The following SCAF8 variants were observed in gnomAD, a reference collection of about 807,000 sequenced individuals.
SCAF8 encodes the protein SR-related CTD associated factor 8.
A neutral mutation model predicts 140.5 loss-of-function variants in SCAF8; 23 were observed. That is an observed-to-expected ratio of 0.16 (90% CI 0.12 to 0.23). The LOEUF is 0.23. Ranked by LOEUF, SCAF8 falls within the 10% of genes least tolerant of loss-of-function variation. The pLI, the probability that SCAF8 is intolerant of heterozygous loss-of-function variation, is 1.00. For missense variants in SCAF8, 1,397 were observed against 1,555.7 expected (o/e 0.90, Z 1.72); for synonymous variants, 575 against 528.9 (o/e 1.09, Z -1.20).
In SCAF8 at chr6:154,786,141, A is replaced by G. The variant is rs199796668; in HGVS notation, c.160-1720A>G. On this transcript the variant is annotated intron_variant, in intron 3 of 19. Coordinates refer to ENST00000367178, the MANE Select transcript of SCAF8 (RefSeq NM_014892.5). The stretch of plus-strand genomic sequence containing the variant: ...ATTACTCAAATCAGTCTCCAAGAGC[A>G]TTCGGGGTTGGATCAGAGTTTTTAA... Among the ~76,000 whole-genome samples the G allele has an allele frequency of 3.3e-5, 5 of 152,174 alleles. No homozygotes were observed. In the East Asian group the frequency reaches 5.8e-4, roughly 18 times the overall value.
chr6:154,832,072 A>C lies in SCAF8; in HGVS notation c.2493A>C (p.Pro831=). 6.2e-7 allele frequency: 1 copy of C among 1,614,156 alleles called. No homozygotes were observed. Among genetic ancestry groups the C allele is most frequent in the Middle Eastern group, 1.6e-4 (1 of 6,062 alleles). The change falls in exon 20 of 20, where the codon CCA becomes CCC. Residue 831 remains proline (P), a synonymous_variant. Transcript: ENST00000367178. The part of the protein sequence containing the change: ...SSNSEILGVR[P]SNVSSSSGII... ...ATTCTGAAATTCTTGGGGTCCGGCCATCTAATGTTTCCAGTAGTTCTGGGA... is the reference window on the plus strand; with the variant it reads ...ATTCTGAAATTCTTGGGGTCCGGCCCTCTAATGTTTCCAGTAGTTCTGGGA...
chr6:154,793,184 C>T (rs1777473656), intron 5 of SCAF8, among the ~76,000 whole-genome samples: 1 of 151,788 alleles, frequency 6.6e-6, no homozygotes, highest in East Asian at 1.9e-4. Flanking sequence ...TCATTTAATC[C>T]ACAGAAACAT....
intron 1 of SCAF8, among the ~76,000 whole-genome samples, chr6:154,770,492 G>C (rs958004479): frequency 5.1e-4 from 77 of 151,886 alleles, no homozygotes; most frequent in African/African-American, 1.8e-3. Flanking sequence ...GACCCGTTGA[G>C]CCTGGGAGGT....
chr6:154,820,783 C>CT, intron 15 of SCAF8, among the ~76,000 whole-genome samples: 1 of 151,746 alleles, frequency 6.6e-6, no homozygotes, highest in Non-Finnish European at 1.5e-5. Context: ...TCTGGGATGC[C>CT]TTTTACAATA....
At chr6:154,747,581 C>G (rs2114801860) in intron 1 of SCAF8, among the ~76,000 whole-genome samples, 1 of 152,154 alleles carries the variant, frequency 6.6e-6, no homozygotes, top group East Asian at 1.9e-4. Flanking sequence ...CAAAACAGGC[C>G]AAAGGCTATG....
intron 1 of SCAF8, among the ~76,000 whole-genome samples, chr6:154,765,574 A>G (rs531839144): frequency 1.6e-4 from 24 of 152,226 alleles, no homozygotes; most frequent in Non-Finnish European, 3.2e-4. Flanking sequence ...GATTAGTAGA[A>G]TAAACATATC....
chr6:154,748,048 TAAGCA>T (rs1778748443), intron 1 of SCAF8, among the ~76,000 whole-genome samples: 1 of 152,168 alleles, frequency 6.6e-6, no homozygotes, highest in Non-Finnish European at 1.5e-5. Flanking sequence ...TTTAAAAAAT[TAAGCA>T]AAGGGGACAA....
intron 3 of SCAF8, among the ~76,000 whole-genome samples, chr6:154,780,550 G>A (rs1166068660): frequency 1.3e-5 from 2 of 150,934 alleles, no homozygotes; most frequent in African/African-American, 4.9e-5. Flanking sequence ...TGGCCCTGAT[G>A]TGTTTTGTTC....
At chr6:154,784,304 C>G (rs1777187292) in intron 3 of SCAF8, among the ~76,000 whole-genome samples, 1 of 151,634 alleles carries the variant, frequency 6.6e-6, no homozygotes, top group African/African-American at 2.4e-5. Flanking sequence ...CAGATTCTCA[C>G]TTTTCATATG....
intron 6 of SCAF8, among the ~76,000 whole-genome samples, chr6:154,796,961 G>A (rs568339904): frequency 6.1e-4 from 91 of 149,540 alleles, no homozygotes; most frequent in Admixed American, 1.1e-3. Flanking sequence ...GACAGAGTGA[G>A]ACTCAAAAAC....
chr6:154,778,120 C>T lies in SCAF8; in HGVS notation c.159+75C>T, dbSNP rs1776969041. 3.8e-6 allele frequency: 3 copies of T among 785,824 alleles called. No homozygotes were observed. The East Asian group carries it at 8.0e-5, about 21-fold the overall frequency. 48.7% of individuals were successfully genotyped at this position (785,824 alleles called of 1,614,324 possible). A position where few individuals can be genotyped will look rare whatever the true frequency, so the allele number is the denominator to read the frequency against. ...GTACTCTTCTCCTTTAGATCAAATA[C>T]CCAAGTTTAAATTGTTTTGATGGAC... On this transcript the variant is annotated intron_variant, in intron 3 of 19. Transcript: ENST00000367178.
chr6:154,792,802 C>T (rs1384463934), intron 4 of SCAF8, 21 bp from the exon 5 acceptor site: 42 of 1,551,612 alleles, frequency 2.7e-5, no homozygotes, highest in Non-Finnish European at 3.6e-5. Flanking sequence ...ACCAAAATGT[C>T]ATGTTTCTTT....
intron 12 of SCAF8, 22 bp downstream of exon 12, chr6:154,810,230 C>T (rs746260605): frequency 2.1e-5 from 31 of 1,505,892 alleles, no homozygotes; most frequent in East Asian, 1.2e-4. Flanking sequence ...ATATCTGCAA[C>T]GCTTTGGTTT....
intron 6 of SCAF8, 86 bp from the exon 7 acceptor site, chr6:154,801,885 A>T: frequency 1.2e-6 from 1 of 836,980 alleles, no homozygotes; most frequent in Non-Finnish European, 1.8e-6. Flanking sequence ...TGGAATGATT[A>T]ATTTTACTGA....
intron 8 of SCAF8, 129 bp from the exon 9 acceptor site, chr6:154,805,240 T>C (rs1191957922): frequency 5.3e-6 from 3 of 565,670 alleles, no homozygotes; most frequent in Admixed American, 3.1e-5. Flanking sequence ...AGTATTAAAA[T>C]TGCAAAAGAA....
In SCAF8 at chr6:154,821,478, C is replaced by G. The variant is rs186381462; in HGVS notation, c.1793-798C>G. Among the ~76,000 whole-genome samples the G allele has an allele frequency of 5.8e-3, 871 of 151,468 alleles. 14 individuals are homozygous for G. Among genetic ancestry groups the G allele is most frequent in the African/African-American group, 0.02 (827 of 41,236 alleles). ...ATCTGTGAAAAAAACAGATAATAAA[C>G]AAAATAGATAAACTATATAGTACTT... is the stretch of plus-strand genomic sequence containing the variant. On this transcript the variant is annotated intron_variant, in intron 15 of 19. Transcript: ENST00000367178.
intron 5 of SCAF8, among the ~76,000 whole-genome samples, chr6:154,794,756 T>G (rs1777537376): frequency 2.3e-5 from 1 of 42,960 alleles, no homozygotes; most frequent in Non-Finnish European, 4.8e-5. Context: ...CAGATCCTTT[T>G]GGTGGGGGGG....
intron 1 of SCAF8, among the ~76,000 whole-genome samples, chr6:154,741,169 A>G (rs1056161507): frequency 1.2e-4 from 18 of 152,148 alleles, no homozygotes; most frequent in African/African-American, 4.1e-4. Flanking sequence ...TTTTTCTTAC[A>G]TTAAAAATAG....
At chr6:154,800,804 AT>A (rs1266181203) in intron 6 of SCAF8, among the ~76,000 whole-genome samples, 1 of 151,580 alleles carries the variant, frequency 6.6e-6, no homozygotes, top group Non-Finnish European at 1.5e-5. Flanking sequence ...GAAACTGAAT[AT>A]TAGCTGTATA....
Sources: gnomAD v4.1 joint callset for allele counts (sites outside exome capture counted in the v4.1 genomes callset) on GRCh38, gnomAD v4.1.1 for gene constraint, MANE v1.5 for transcripts, NCBI Gene and HGNC (gene_info 2026-07-23, HGNC 2026-07-21) for gene names.